HEMK2: variants seen among roughly 807,000 people sequenced by gnomAD.
The protein encoded by HEMK2 is methyltransferase HEMK2.
the HEMK2 span, among the ~76,000 whole-genome samples, chr21:28,799,991 A>C: frequency 6.6e-6 from 1 of 152,202 alleles, no homozygotes; most frequent in Admixed American, 6.5e-5. Context: ...AGAACACTCA[A>C]GTCTGGCAGT....
At chr21:28,852,076 G>C in the HEMK2 span, among the ~76,000 whole-genome samples, 6 of 152,178 alleles carry the variant, frequency 3.9e-5, no homozygotes, top group African/African-American at 1.4e-4. Context: ...GTCCAAACGG[G>C]AGAGTTGAAA....
the HEMK2 span, among the ~76,000 whole-genome samples, chr21:28,636,333 G>T: frequency 2.0e-5 from 3 of 152,066 alleles, no homozygotes; most frequent in African/African-American, 7.2e-5. Context: ...CTCCAGTTAG[G>T]ACACGGGTTC....
At chr21:28,880,034 T>C in the HEMK2 span, 2 of 1,017,376 alleles carry the variant, frequency 2.0e-6, no homozygotes, top group Non-Finnish European at 2.9e-6. Context: ...AAAAATAATC[T>C]CCCATGTTTT....
At chr21:28,814,734 G>A in the HEMK2 span, among the ~76,000 whole-genome samples, 3 of 152,196 alleles carry the variant, frequency 2.0e-5, no homozygotes, top group African/African-American at 7.2e-5. Context: ...GGAAACAACA[G>A]GTGCTGGAGA....
chr21:28,850,214 ATTCT>A, the HEMK2 span, among the ~76,000 whole-genome samples: 1 of 132,508 alleles, frequency 7.5e-6, no homozygotes, highest in African/African-American at 2.9e-5. Context: ...TACATTCAGC[ATTCT>A]TTTTTTTTTT....
chr21:28,845,699 CTTCTAT>C, the HEMK2 span, among the ~76,000 whole-genome samples: 22,183 of 151,466 alleles, frequency 0.15, 3,033 homozygotes, highest in African/African-American at 0.35. Context: ...TTTTTTCTCA[CTTCTAT>C]TTCTAAGTAT....
At chr21:28,653,714 T>C in the HEMK2 span, among the ~76,000 whole-genome samples, 1 of 152,188 alleles carries the variant, frequency 6.6e-6, no homozygotes, top group Non-Finnish European at 1.5e-5. Flanking sequence ...CACAGAAATC[T>C]TGGACCCCTG....
chr21:28,771,396 C>A, the HEMK2 span, among the ~76,000 whole-genome samples: 2 of 152,086 alleles, frequency 1.3e-5, no homozygotes, highest in Non-Finnish European at 1.5e-5. Flanking sequence ...ACCACCCTGA[C>A]CAGGAGACAT....
At chr21:28,773,139 T>C in the HEMK2 span, among the ~76,000 whole-genome samples, 7 of 152,136 alleles carry the variant, frequency 4.6e-5, no homozygotes, top group East Asian at 1.9e-4. Flanking sequence ...TTTGTTTCCA[T>C]TGGTGCCAGG....
the HEMK2 span, among the ~76,000 whole-genome samples, chr21:28,590,894 T>C: frequency 1.3e-5 from 2 of 152,262 alleles, no homozygotes; most frequent in Non-Finnish European, 2.9e-5. Context: ...AAACTCTGCT[T>C]AGACAAAAGC....
At chr21:28,800,994 G>A in the HEMK2 span, among the ~76,000 whole-genome samples, 2 of 152,354 alleles carry the variant, frequency 1.3e-5, no homozygotes, top group East Asian at 3.9e-4. Context: ...GAGAAAGGGT[G>A]AACAGACAGA....
the HEMK2 span, among the ~76,000 whole-genome samples, chr21:28,822,181 G>A: frequency 0.046 from 6,948 of 152,208 alleles, 220 homozygotes; most frequent in East Asian, 0.16. Flanking sequence ...GACTTGTAGT[G>A]GAGCCAATCA....
chr21:28,664,212 C>G, the HEMK2 span, among the ~76,000 whole-genome samples: 2 of 152,192 alleles, frequency 1.3e-5, no homozygotes, highest in African/African-American at 4.8e-5. Flanking sequence ...AAGCTTTACA[C>G]ATATTCCTAA....
At chr21:28,864,913 T>G in the HEMK2 span, among the ~76,000 whole-genome samples, 11 of 144,150 alleles carry the variant, frequency 7.6e-5, no homozygotes, top group African/African-American at 2.2e-4. Context: ...AGATAGATGA[T>G]ATAGATAGAT....
chr21:28,825,186 G>A, the HEMK2 span, among the ~76,000 whole-genome samples: 2 of 152,100 alleles, frequency 1.3e-5, no homozygotes, highest in African/African-American at 4.8e-5. Context: ...CCAGGGAAGG[G>A]GCTCTCAAAC....
the HEMK2 span, among the ~76,000 whole-genome samples, chr21:28,799,691 G>A: frequency 0.012 from 1,871 of 152,178 alleles, 45 homozygotes; most frequent in African/African-American, 0.043. Context: ...CCATATTAGT[G>A]CTTAACTCCT....
the HEMK2 span, among the ~76,000 whole-genome samples, chr21:28,673,068 AAG>A: frequency 3.3e-5 from 5 of 151,402 alleles, no homozygotes; most frequent in East Asian, 3.9e-4. Context: ...AAGAAAAGAG[AAG>A]AGAGAGAAAG....
chr21:28,882,741 A>G, the HEMK2 span, among the ~76,000 whole-genome samples: 1 of 152,180 alleles, frequency 6.6e-6, no homozygotes, highest in Non-Finnish European at 1.5e-5. Flanking sequence ...ATGTCTTATG[A>G]TATCAAATTA....
the HEMK2 span, chr21:28,879,940 A>C: frequency 1.9e-6 from 3 of 1,602,494 alleles, no homozygotes; most frequent in Non-Finnish European, 2.6e-6. Context: ...CAATCTTGGT[A>C]GCAAGCCTTT....
Sources: allele counts gnomAD v4.1 joint callset (sites outside exome capture counted in the v4.1 genomes callset), GRCh38; gene constraint gnomAD v4.1.1; transcripts MANE v1.5; gene names NCBI Gene and HGNC (gene_info 2026-07-23, HGNC 2026-07-21).